The following USP31 variants were observed in gnomAD, a reference collection of about 807,000 sequenced individuals.
The protein encoded by USP31 is ubiquitin carboxyl-terminal hydrolase 31.
Under a neutral mutation model 119.4 loss-of-function variants are expected in USP31, and 44 were observed. The observed-to-expected ratio is 0.37, with a 90% CI of 0.29 to 0.47. The LOEUF is 0.47. Ranked by LOEUF, USP31 falls within the 20% of genes least tolerant of loss-of-function variation. The pLI is 0.99. For missense variants in USP31, 1,643 were observed against 1,730.2 expected (o/e 0.95, Z 0.89); for synonymous variants, 749 against 705.6 (o/e 1.06, Z -0.97).
chr16:23,148,520 C>G (rs1489995269), intron 1 of USP31, 118 bp downstream of exon 1: 9 of 1,323,540 alleles, frequency 6.8e-6, no homozygotes, highest in Admixed American at 4.1e-5. Flanking sequence ...CCAGACCACT[C>G]GGAGCAACCA....
chr16:23,118,530 C>T (rs892612594), intron 1 of USP31, among the ~76,000 whole-genome samples: 11 of 152,150 alleles, frequency 7.2e-5, no homozygotes, highest in Middle Eastern at 3.4e-3. Flanking sequence ...GGAAAAGCTC[C>T]GGAGTTTCAC....
intron 13 of USP31, among the ~76,000 whole-genome samples, chr16:23,074,634 G>C (rs1316343692): frequency 6.6e-6 from 1 of 152,168 alleles, no homozygotes; most frequent in Non-Finnish European, 1.5e-5. Flanking sequence ...ATCCTGCCCT[G>C]CTTCCCTCAG....
chr16:23,142,443 G>A (rs1411611321), intron 1 of USP31, among the ~76,000 whole-genome samples: 7 of 152,144 alleles, frequency 4.6e-5, no homozygotes, highest in African/African-American at 1.2e-4. Context: ...AATGTTACAC[G>A]TTTCAGCACG....
intron 10 of USP31, among the ~76,000 whole-genome samples, chr16:23,085,295 T>A (rs1429775635): frequency 1.3e-5 from 2 of 152,212 alleles, no homozygotes; most frequent in Admixed American, 1.3e-4. Context: ...CTTTCTAGAA[T>A]TAATGGGCCT....
intron 1 of USP31, among the ~76,000 whole-genome samples, chr16:23,108,725 T>C (rs1902207108): frequency 6.6e-6 from 1 of 152,216 alleles, no homozygotes; most frequent in South Asian, 2.1e-4. Context: ...ATATTAAGTA[T>C]TATCTCTGGG....
intron 6 of USP31, 24 bp from the exon 7 acceptor site, chr16:23,090,828 A>G: frequency 6.8e-7 from 1 of 1,476,218 alleles, no homozygotes; most frequent in Non-Finnish European, 9.1e-7. Context: ...AAAACAACTC[A>G]TTTTATCTCT....
chr16:23,086,495 G>A (rs1209418991), intron 9 of USP31, among the ~76,000 whole-genome samples: 1 of 152,100 alleles, frequency 6.6e-6, no homozygotes, highest in Non-Finnish European at 1.5e-5. Context: ...CTAATTCTAT[G>A]GGGCAGGTTG....
At chr16:23,130,847 C>T (rs1903008451) in intron 1 of USP31, among the ~76,000 whole-genome samples, 1 of 152,178 alleles carries the variant, frequency 6.6e-6, no homozygotes, top group African/African-American at 2.4e-5. Context: ...AAGTCACGTG[C>T]TAGTAACACA....
At chr16:23,087,538 T>C (rs897986034) in intron 8 of USP31, among the ~76,000 whole-genome samples, 186 bp downstream of exon 8, 1 of 152,202 alleles carries the variant, frequency 6.6e-6, no homozygotes, top group African/African-American at 2.4e-5. Context: ...CGTTATTAGA[T>C]AAATATTATA....
rs961989364 is a variant in USP31 at position 23,127,366 on chromosome 16, C to T, written c.634-19183G>A. ...GCCTGGGAGGTAGGCTTGCAGTGAG[C>T]TATGATCGCATCACTGAACTCCACC... On this transcript the variant is annotated intron_variant, in intron 1 of 15. Coordinates refer to ENST00000219689, the MANE Select transcript of USP31 (RefSeq NM_020718.4). Among the ~76,000 whole-genome samples the T allele has an allele frequency of 9.9e-5, 15 of 152,112 alleles. No homozygotes were observed. In the East Asian group the frequency reaches 2.9e-3, roughly 29 times the overall value.
intron 13 of USP31, among the ~76,000 whole-genome samples, chr16:23,076,683 A>G (rs777108116): frequency 3.9e-5 from 6 of 152,256 alleles, no homozygotes; most frequent in East Asian, 1.9e-4. Flanking sequence ...ACACGATGCT[A>G]AAGTCTAGCC....
At chr16:23,124,772 C>T (rs768473239) in intron 1 of USP31, among the ~76,000 whole-genome samples, 4 of 152,082 alleles carry the variant, frequency 2.6e-5, no homozygotes, top group Non-Finnish European at 5.9e-5. Context: ...GCCCGTAAGC[C>T]CAGCTACTTG....
intron 13 of USP31, among the ~76,000 whole-genome samples, chr16:23,077,381 A>T (rs1344137556): frequency 1.3e-5 from 2 of 152,246 alleles, no homozygotes; most frequent in Non-Finnish European, 2.9e-5. Flanking sequence ...AGAATAAAAG[A>T]TTATTGTGTC....
Position 23,069,400 on chromosome 16 carries a change from G to A in USP31, c.2705C>T (p.Ala902Val). 1 of 1,612,086 alleles carries A rather than the reference G, an allele frequency of 6.2e-7. No homozygotes were observed. The highest frequency in any genetic ancestry group is 1.1e-5 in the South Asian group (1 of 91,000). ...AGAGATGGAGACCTTGTCATCTGCT[G>A]CCTCCCCAATCTTCTCCAAGGTGGA... ...SASTLEKIGE[A>V]ADDKVSISCF... Residue 902 changes from alanine (A) to valine (V), a missense_variant, in exon 16 of 16, where the codon GCA becomes GTA. Transcript: ENST00000219689.
At chr16:23,075,258 C>T (rs1034458976) in intron 13 of USP31, among the ~76,000 whole-genome samples, 1 of 152,140 alleles carries the variant, frequency 6.6e-6, no homozygotes, top group Non-Finnish European at 1.5e-5. Flanking sequence ...AGGCTTGATG[C>T]ACACATGACC....
rs201076871 is a variant in USP31 at position 23,073,879 on chromosome 16, C to G, written c.2178G>C (p.Ala726=). ...GGCCGTCCACAGAGTTCTTACAGTA[C>G]GCTGCCAAAGAGAGCCCGCCATCAG... is the stretch of plus-strand genomic sequence containing the variant. ...HGTMQGGHYT[A]YCKNSVDGLW... is the part of the protein sequence containing the mutation. Residue 726 remains alanine, a splice_region_variant and synonymous_variant, in exon 14 of 16, where the codon GCG becomes GCC. Coordinates refer to ENST00000219689, the MANE Select transcript of USP31 (RefSeq NM_020718.4). 74 of 1,613,942 alleles carry G rather than the reference C, an allele frequency of 4.6e-5. No individual in the cohort carries two copies. In the East Asian group the frequency reaches 1.3e-3, roughly 28 times the overall value.
Position 23,105,551 on chromosome 16 carries a change from G to A in USP31, c.979C>T (p.Gln327Ter). 1 of 1,613,928 alleles carries A rather than the reference G, an allele frequency of 6.2e-7. No homozygotes were observed. The highest frequency in any genetic ancestry group is 8.5e-7 in the Non-Finnish European group (1 of 1,179,950). The change falls in exon 5 of 16, where the codon CAA becomes TAA. Residue 327 changes from glutamine to a stop codon, truncating the protein, a stop_gained. Coordinates refer to ENST00000219689, the MANE Select transcript of USP31 (RefSeq NM_020718.4). LOFTEE classifies it high-confidence loss of function. The stretch of plus-strand genomic sequence containing the variant: ...CTCATGCAGTGAGAACATTTGCCTT[G>A]ATACACTACAGTGACATAGAGAGGC... ...TRPLYVTVVY[Q>*]GKCSHCMRIG...
At chr16:23,114,469 A>G (rs1030647453) in intron 1 of USP31, among the ~76,000 whole-genome samples, 23 of 151,948 alleles carry the variant, frequency 1.5e-4, no homozygotes, top group Admixed American at 1.2e-3. Context: ...AAAAAAAAAA[A>G]GAAAGTTTCA....
In USP31 at chr16:23,084,896, T is replaced by C. The variant is rs1356085192; in HGVS notation, c.1794A>G (p.Leu598=). Residue 598 remains leucine, a synonymous_variant, in exon 11 of 16, where the codon TTA becomes TTG. Coordinates refer to ENST00000219689, the MANE Select transcript of USP31 (RefSeq NM_020718.4). Reference sequence around the variant, plus strand: ...TGGTGTACAGTTGGAAACACTGGGATAAAGTGCAGGTTTGAGGCTGATGAT... The same window carrying C: ...TGGTGTACAGTTGGAAACACTGGGACAAAGTGCAGGTTTGAGGCTGATGAT... ...ERHHQPQTCT[L]SQCFQLYTKE... 1 of 1,614,134 alleles carries C rather than the reference T, an allele frequency of 6.2e-7. No homozygotes were observed. The highest frequency in any genetic ancestry group is 2.2e-5 in the East Asian group (1 of 44,882).
Sources: allele counts gnomAD v4.1 joint callset (sites outside exome capture counted in the v4.1 genomes callset), GRCh38; gene constraint gnomAD v4.1.1; transcripts MANE v1.5; gene names NCBI Gene and HGNC (gene_info 2026-07-23, HGNC 2026-07-21).